The following CCDC150 variants were observed in gnomAD, a reference collection of about 807,000 sequenced individuals.
CCDC150 encodes the protein coiled-coil domain containing 150.
In CCDC150, 151 loss-of-function variants were observed where a neutral mutation model predicts 156.5. The observed-to-expected ratio is 0.97, with a 90% CI of 0.85 to 1.10. The LOEUF is 1.10. CCDC150 is among the 50% of genes least tolerant of loss of function. CCDC150 has a pLI of 0.00. For synonymous variants in CCDC150, 452 were observed against 429.4 expected, an observed-to-expected ratio of 1.05 and a Z score of -0.65; for missense variants, 1,312 against 1,268.1, an observed-to-expected ratio of 1.03 and a Z score of -0.53.
Position 196,677,364 on chromosome 2 carries a change from ATTC to A in CCDC150, c.1509+7_1509+9del. On this transcript the variant is annotated splice_donor_5th_base_variant and intron_variant, in intron 13 of 27. Coordinates refer to ENST00000389175, the MANE Select transcript of CCDC150 (RefSeq NM_001080539.2). ...AAAAGGAATTAGCTAAAAACAAGGT[ATTC>A]TTCATTTTACTTACTGATATTTCAC... 1 of 1,519,742 alleles carries A rather than the reference ATTC, an allele frequency of 6.6e-7. No homozygotes were observed. Among genetic ancestry groups the A allele is most frequent in the South Asian group, 1.2e-5 (1 of 83,622 alleles). The allele number at this position is 1,519,742 out of a possible 1,614,324, so 94.1% of individuals were successfully genotyped here. A position where few individuals can be genotyped will look rare whatever the true frequency, so the allele number is the denominator to read the frequency against.
At chr2:196,652,084 C>G (rs1034546818) in intron 2 of CCDC150, among the ~76,000 whole-genome samples, 1 of 152,154 alleles carries the variant, frequency 6.6e-6, no homozygotes, top group Non-Finnish European at 1.5e-5. Flanking sequence ...TCCCACCAGG[C>G]CTTACCTCCA....
At chr2:196,712,511 T>G in intron 16 of CCDC150, 166 bp from the exon 17 acceptor site, 1 of 609,636 alleles carries the variant, frequency 1.6e-6, no homozygotes, top group Non-Finnish European at 3.0e-6. Context: ...ATAAACTTTA[T>G]TAGAGAATAG....
chr2:196,704,032 A>G (rs983750330), intron 15 of CCDC150, among the ~76,000 whole-genome samples: 79 of 152,262 alleles, frequency 5.2e-4, no homozygotes, highest in African/African-American at 1.9e-3. Context: ...CTCTTGGAGC[A>G]CATAACTCTT....
At chr2:196,713,921 T>A (rs192621213) in intron 17 of CCDC150, among the ~76,000 whole-genome samples, 2 of 152,286 alleles carry the variant, frequency 1.3e-5, no homozygotes, top group Non-Finnish European at 2.9e-5. Flanking sequence ...TTTGATTTTT[T>A]AAAAAATTCA....
At chr2:196,679,811 T>C (rs1412211705) in intron 13 of CCDC150, among the ~76,000 whole-genome samples, 1 of 152,204 alleles carries the variant, frequency 6.6e-6, no homozygotes, top group Non-Finnish European at 1.5e-5. Flanking sequence ...TATTAGAATT[T>C]GTGTGTAGCA....
chr2:196,646,935 A>G (rs1427560906), intron 2 of CCDC150, among the ~76,000 whole-genome samples: 3 of 152,098 alleles, frequency 2.0e-5, no homozygotes, highest in Admixed American at 6.5e-5. Context: ...GTCTTTAAAA[A>G]TTTTATAATT....
chr2:196,668,327 T>C (rs1157035141), intron 7 of CCDC150, among the ~76,000 whole-genome samples: 4 of 125,010 alleles, frequency 3.2e-5, no homozygotes, highest in African/African-American at 1.2e-4. Context: ...AAAGAAGATA[T>C]AAAAGGATCC....
chr2:196,715,466 A>C (rs576009501), intron 17 of CCDC150, among the ~76,000 whole-genome samples: 4 of 152,248 alleles, frequency 2.6e-5, no homozygotes, highest in East Asian at 1.9e-4. Flanking sequence ...CCCATAATAA[A>C]CTGGCAACAT....
chr2:196,678,189 T>C (rs918974383), intron 13 of CCDC150, among the ~76,000 whole-genome samples: 2 of 152,152 alleles, frequency 1.3e-5, no homozygotes, highest in African/African-American at 4.8e-5. Flanking sequence ...AGAGTAAAGA[T>C]TATGTATCAC....
intron 2 of CCDC150, among the ~76,000 whole-genome samples, chr2:196,655,838 C>T (rs1032800998): frequency 2.0e-5 from 3 of 151,874 alleles, no homozygotes; most frequent in Non-Finnish European, 4.4e-5. Flanking sequence ...AAACTTTTTC[C>T]AGGAGGAATT....
intron 5 of CCDC150, among the ~76,000 whole-genome samples, chr2:196,660,348 G>A (rs1422447660): frequency 1.3e-5 from 2 of 152,140 alleles, no homozygotes; most frequent in African/African-American, 4.8e-5. Flanking sequence ...GCAATTGCTG[G>A]TTCATCTGGT....
chr2:196,712,725 G>A lies in CCDC150; in HGVS notation c.1852G>A (p.Ala618Thr), dbSNP rs755821305. ...AKRVHLQQAD[A>T]HLKEVKSILE... The stretch of plus-strand genomic sequence containing the variant: ...GAGGGTACACCTGCAGCAGGCAGAT[G>A]CTCACCTGAAAGAAGTATTGGTAAT... The change falls in exon 17 of 28, where the codon GCT (alanine) becomes ACT (threonine). Residue 618 changes from alanine to threonine, a missense_variant. Transcript: ENST00000389175. The A allele has an allele frequency of 1.9e-6, 3 of 1,610,402 alleles. No individual in the cohort carries two copies. In the Admixed American group the frequency reaches 5.0e-5, roughly 27 times the overall value.
At chr2:196,725,634 A>G (rs900424149) in intron 21 of CCDC150, among the ~76,000 whole-genome samples, 3 of 152,262 alleles carry the variant, frequency 2.0e-5, no homozygotes, top group Non-Finnish European at 4.4e-5. Flanking sequence ...TCACTTTGCT[A>G]TAATGTTTTG....
At chr2:196,678,264 C>T (rs1299051756) in intron 13 of CCDC150, among the ~76,000 whole-genome samples, 1 of 152,178 alleles carries the variant, frequency 6.6e-6, no homozygotes, top group Non-Finnish European at 1.5e-5. Flanking sequence ...AGAAATCCAG[C>T]AATAGGTATT....
chr2:196,731,987 G>A, intron 26 of CCDC150, 46 bp from the exon 27 acceptor site: 4 of 1,580,080 alleles, frequency 2.5e-6, no homozygotes, highest in South Asian at 1.2e-5. Context: ...AAAAAAACTT[G>A]TAACTCTTTC....
intron 15 of CCDC150, 50 bp from the exon 16 acceptor site, chr2:196,712,095 T>C (rs1697165051): frequency 2.4e-6 from 2 of 821,974 alleles, no homozygotes; most frequent in African/African-American, 1.7e-5. Context: ...TATATATGTT[T>C]AAATGTTTTA....
At chr2:196,665,402 C>T (rs907316165) in intron 5 of CCDC150, among the ~76,000 whole-genome samples, 165 bp from the exon 6 acceptor site, 1 of 151,960 alleles carries the variant, frequency 6.6e-6, no homozygotes, top group Non-Finnish European at 1.5e-5. Context: ...GGAGGTAATC[C>T]TAGGCAATCT....
At chr2:196,671,771 G>A (rs984498038) in intron 8 of CCDC150, among the ~76,000 whole-genome samples, 1 of 152,020 alleles carries the variant, frequency 6.6e-6, no homozygotes, top group Non-Finnish European at 1.5e-5. Context: ...TCCTTTGTCT[G>A]GATATACCAC....
At chr2:196,680,426 T>C (rs753189611) in intron 13 of CCDC150, among the ~76,000 whole-genome samples, 4 of 152,220 alleles carry the variant, frequency 2.6e-5, no homozygotes, top group Admixed American at 6.5e-5. Flanking sequence ...CTCAGCCTCC[T>C]GAGTAGCTGG....
Sources: allele counts gnomAD v4.1 joint callset (sites outside exome capture counted in the v4.1 genomes callset), GRCh38; gene constraint gnomAD v4.1.1; transcripts MANE v1.5; gene names NCBI Gene and HGNC (gene_info 2026-07-23, HGNC 2026-07-21).